Variants in LRRC7 observed in about 807,000 individuals in gnomAD.
LRRC7 encodes the protein leucine-rich repeat-containing protein 7.
LRRC7 carries 23 observed loss-of-function variants against 175.7 expected under a neutral mutation model. The ratio of observed to expected loss-of-function variants is 0.13; its 90% CI spans 0.09 to 0.19. The LOEUF (loss-of-function observed/expected upper bound fraction) is 0.19. Ranked by LOEUF, LRRC7 falls within the 10% of genes least tolerant of loss-of-function variation. The pLI, the probability that LRRC7 is intolerant of heterozygous loss-of-function variation, is 1.00. For synonymous variants in LRRC7, 685 were observed against 680.9 expected, an observed-to-expected ratio of 1.01 and a Z score of -0.09; for missense variants, 1,354 against 1,904.7, an observed-to-expected ratio of 0.71 and a Z score of 5.38.
chr1:69,798,079 G>A lies in LRRC7; in HGVS notation c.421+5919G>A, dbSNP rs534783187. Among the ~76,000 whole-genome samples, 81 of 151,980 alleles carry A rather than the reference G, an allele frequency of 5.3e-4. 1 individual carries two copies. The South Asian group carries it at 0.013, about 25-fold the overall frequency. On this transcript the variant is annotated intron_variant, in intron 4 of 26. Coordinates refer to ENST00000651989, the MANE Select transcript of LRRC7 (RefSeq NM_001370785.2). Reference sequence around the variant, plus strand: ...TGGGATTACAGGCGCCTGTCAACACGCCCAGCTAATTTTTGTATTTTTAGT... The same window carrying A: ...TGGGATTACAGGCGCCTGTCAACACACCCAGCTAATTTTTGTATTTTTAGT...
chr1:69,859,831 A>G (rs1684168430), intron 7 of LRRC7, among the ~76,000 whole-genome samples: 1 of 151,948 alleles, frequency 6.6e-6, no homozygotes, highest in Non-Finnish European at 1.5e-5. Flanking sequence ...CAACAAGAAA[A>G]CTTTCCTAGA....
intron 8 of LRRC7, among the ~76,000 whole-genome samples, chr1:69,933,002 C>T (rs980500691): frequency 6.6e-6 from 1 of 152,240 alleles, no homozygotes. Flanking sequence ...TTGCTATACT[C>T]AGCTCTCACT....
At chr1:69,761,490 G>A (rs1242798535) in intron 3 of LRRC7, among the ~76,000 whole-genome samples, 2 of 151,926 alleles carry the variant, frequency 1.3e-5, no homozygotes, top group Non-Finnish European at 2.9e-5. Flanking sequence ...ACACTTCAAA[G>A]TTAAGAACTT....
chr1:70,125,250 G>A lies in LRRC7; in HGVS notation c.*3363G>A, dbSNP rs147922370. 6.6e-6 allele frequency among the ~76,000 whole-genome samples: 1 copy of A among 151,988 alleles called. No individual in the cohort carries two copies. The highest frequency in any genetic ancestry group is 2.4e-5 in the African/African-American group (1 of 41,372). On this transcript the variant is annotated 3_prime_UTR_variant, in exon 27 of 27. Transcript: ENST00000651989. ...ATTAGGTTGCTGAAAAAGTAATTGC[G>A]GTTTTTACCATTAAAAGTGCAGGCA... is the stretch of plus-strand genomic sequence containing the variant.
At position 69,705,112 on chromosome 1, in the gene LRRC7, G is replaced by A. The variant is rs113075950; in HGVS notation, c.100+26634G>A. 7.1e-3 allele frequency among the ~76,000 whole-genome samples: 1,078 copies of A among 152,176 alleles called. 17 individuals are homozygous for A. The highest frequency in any genetic ancestry group is 0.024 in the African/African-American group (1,012 of 41,534). On this transcript the variant is annotated intron_variant, in intron 2 of 26. Transcript: ENST00000651989. ...ACTTTCCCAAGATTAGAAAGACACT[G>A]TTACCCACTTCTTCTTACACAACCT...
intron 8 of LRRC7, among the ~76,000 whole-genome samples, chr1:69,958,257 C>T (rs1384234513): frequency 6.6e-6 from 1 of 151,852 alleles, no homozygotes; most frequent in African/African-American, 2.4e-5. Context: ...CCTTTATTGG[C>T]TGACTTTACT....
chr1:69,876,036 C>T (rs574259961), intron 7 of LRRC7, among the ~76,000 whole-genome samples: 2 of 152,174 alleles, frequency 1.3e-5, no homozygotes, highest in African/African-American at 4.8e-5. Context: ...CTCTGTATTG[C>T]CTTTCATCAT....
At position 69,916,520 on chromosome 1, in the gene LRRC7, C is replaced by T. The variant is rs191927624; in HGVS notation, c.648-14987C>T. Among the ~76,000 whole-genome samples, 45 of 151,824 alleles carry T rather than the reference C, an allele frequency of 3.0e-4. No individual in the cohort carries two copies. In the East Asian group the frequency reaches 6.0e-3, roughly 20 times the overall value. On this transcript the variant is annotated intron_variant, in intron 7 of 26. Coordinates refer to ENST00000651989, the MANE Select transcript of LRRC7 (RefSeq NM_001370785.2). ...GCATATTCCACAATAAGTAAACTAA[C>T]GTATCCTCATTATAGTATTCATTAA...
chr1:69,628,622 T>C (rs1411218863), intron 1 of LRRC7, among the ~76,000 whole-genome samples: 2 of 152,128 alleles, frequency 1.3e-5, no homozygotes, highest in East Asian at 3.9e-4. Context: ...ATCAACAAAG[T>C]GTTTTTGAAG....
intron 10 of LRRC7, among the ~76,000 whole-genome samples, chr1:69,986,990 T>TCCCA (rs1408491455): frequency 6.6e-6 from 1 of 152,210 alleles, no homozygotes; most frequent in African/African-American, 2.4e-5. Context: ...ACACCTGTTA[T>TCCCA]CCCAGCACTA....
intron 4 of LRRC7, among the ~76,000 whole-genome samples, chr1:69,796,823 A>G (rs11577504): frequency 0.18 from 27,742 of 151,956 alleles, 3,242 homozygotes; most frequent in Middle Eastern, 0.33. Context: ...AACAACAACA[A>G]AAAACAGACA....
chr1:69,888,439 C>A (rs1344487903), intron 7 of LRRC7, among the ~76,000 whole-genome samples: 1 of 152,206 alleles, frequency 6.6e-6, no homozygotes, highest in Non-Finnish European at 1.5e-5. Flanking sequence ...GACCCTTGCA[C>A]TTCCCAAGTG....
intron 2 of LRRC7, among the ~76,000 whole-genome samples, chr1:69,685,304 C>T (rs1661001468): frequency 6.6e-6 from 1 of 152,070 alleles, no homozygotes; most frequent in Non-Finnish European, 1.5e-5. Flanking sequence ...ACATAATAAT[C>T]AAAATATTCA....
At chr1:69,668,173 T>TATACATGTATA (rs1658544584) in intron 1 of LRRC7, among the ~76,000 whole-genome samples, 1 of 152,194 alleles carries the variant, frequency 6.6e-6, no homozygotes, top group African/African-American at 2.4e-5. Context: ...TACTTTAAGT[T>TATACATGTATA]CTGGGATACA....
intron 2 of LRRC7, among the ~76,000 whole-genome samples, chr1:69,716,497 T>C (rs918384438): frequency 7.2e-5 from 11 of 151,874 alleles, no homozygotes; most frequent in African/African-American, 2.7e-4. Flanking sequence ...AGCCCCTAAT[T>C]CAATACTTAT....
At position 69,924,844 on chromosome 1, in the gene LRRC7, G is replaced by A. The variant is rs184147410; in HGVS notation, c.648-6663G>A. On this transcript the variant is annotated intron_variant, in intron 7 of 26. Coordinates refer to ENST00000651989, the MANE Select transcript of LRRC7 (RefSeq NM_001370785.2). ...AGAATTTCCAACACTATGTTGAATA[G>A]GAGTGGTGAGAGAGGGCATCCCTGT... Among the ~76,000 whole-genome samples the A allele has an allele frequency of 7.5e-4, 115 of 152,322 alleles. No individual in the cohort carries two copies. In the Middle Eastern group the frequency reaches 0.01, roughly 14 times the overall value.
chr1:70,006,225 G>C (rs1655980042), intron 11 of LRRC7, among the ~76,000 whole-genome samples: 1 of 152,004 alleles, frequency 6.6e-6, no homozygotes, highest in Non-Finnish European at 1.5e-5. Context: ...AATACTTTCA[G>C]GCTCTAAATT....
At chr1:69,753,927 G>A (rs1280668391) in intron 2 of LRRC7, among the ~76,000 whole-genome samples, 1 of 152,036 alleles carries the variant, frequency 6.6e-6, no homozygotes, top group African/African-American at 2.4e-5. Context: ...TAAAGCAAAG[G>A]AAATGTACCT....
intron 1 of LRRC7, among the ~76,000 whole-genome samples, chr1:69,656,015 C>T (rs1378762250): frequency 6.6e-6 from 1 of 152,012 alleles, no homozygotes; most frequent in South Asian, 2.1e-4. Flanking sequence ...GAACTGCCTA[C>T]ATTCTCACTT....
Sources: allele counts gnomAD v4.1 joint callset (sites outside exome capture counted in the v4.1 genomes callset), GRCh38; gene constraint gnomAD v4.1.1; transcripts MANE v1.5; gene names NCBI Gene and HGNC (gene_info 2026-07-23, HGNC 2026-07-21).